Variants in DCLRE1A observed in about 807,000 individuals in gnomAD.
The protein encoded by DCLRE1A is DNA cross-link repair 1A, also known as DNA cross-link repair 1A protein.
In DCLRE1A, 64 loss-of-function variants were observed where a neutral mutation model predicts 91.9. That is an observed-to-expected ratio of 0.70 (90% CI 0.57 to 0.86). DCLRE1A has a LOEUF of 0.86. Among genes scored for constraint, DCLRE1A ranks in the 40% least tolerant of loss-of-function variants. The pLI, the probability that DCLRE1A is intolerant of heterozygous loss-of-function variation, is 0.00. For missense variants in DCLRE1A, 1,145 were observed against 1,213.3 expected (o/e 0.94, Z 0.84); for synonymous variants, 416 against 431.1 (o/e 0.96, Z 0.43).
At chr10:113,839,201 T>C (rs1007503117) in intron 7 of DCLRE1A, among the ~76,000 whole-genome samples, 9 of 151,860 alleles carry the variant, frequency 5.9e-5, no homozygotes, top group Non-Finnish European at 8.8e-5. Flanking sequence ...GGCAGGTGCC[T>C]GTATTCCCAG....
Position 113,849,484 on chromosome 10 carries a change from C to A in DCLRE1A, c.1621G>T (p.Gly541Cys). Residue 541 changes from glycine to cysteine, a missense_variant, in exon 2 of 9, where the codon GGT becomes TGT. Gly to Cys is a radical substitution (Grantham distance 159, BLOSUM62 -3). Transcript: ENST00000361384. ...GGATGTCTTGCATTATACTTAAGAC[C>A]AGAAGGCAATATTTTCAAATACTTC... Reference protein sequence around the residue: ...APKYLKILPSGLKYNARHPST... With the variant: ...APKYLKILPSCLKYNARHPST... The A allele has an allele frequency of 6.2e-7, 1 of 1,614,004 alleles. No individual in the cohort carries two copies. The highest frequency in any genetic ancestry group is 8.5e-7 in the Non-Finnish European group (1 of 1,180,008).
chr10:113,852,855 C>A lies in DCLRE1A; in HGVS notation c.328G>T (p.Val110Leu), dbSNP rs139812297. 1 of 1,614,132 alleles carries A rather than the reference C, an allele frequency of 6.2e-7. No individual in the cohort carries two copies. Among genetic ancestry groups the A allele is most frequent in the South Asian group, 1.1e-5 (1 of 91,084 alleles). Residue 110 changes from valine (V) to leucine (L), a missense_variant, in exon 1 of 9, where the codon GTG (valine) becomes TTG (leucine). Transcript: ENST00000361384. ...TAAACTGGACGTATCTTTGGGGACA[C>A]GTGTTGGCTTTTTTGAGTTCTACAG... ...KLCRTQKSQH[V>L]SPKIRPVYDG...
Position 113,845,703 on chromosome 10 carries a change from A to G in DCLRE1A, c.2360T>C (p.Val787Ala). The G allele has an allele frequency of 1.2e-6, 2 of 1,614,074 alleles. No individual in the cohort carries two copies. The highest frequency in any genetic ancestry group is 1.7e-6 in the Non-Finnish European group (2 of 1,179,954). Reference protein sequence around the residue: ...TECIVNGVKVVLLDANHCPGA... With the variant: ...TECIVNGVKVALLDANHCPGA... Reference sequence around the variant, plus strand: ...TACTTACTGATTGGCATCAAGCAAAACAACTTTGACACCATTCACAATACA... The same window carrying G: ...TACTTACTGATTGGCATCAAGCAAAGCAACTTTGACACCATTCACAATACA... Residue 787 changes from valine to alanine, a missense_variant, in exon 4 of 9, where the codon GTT becomes GCT. Coordinates refer to ENST00000361384, the MANE Select transcript of DCLRE1A (RefSeq NM_014881.5).
chr10:113,854,378 T>A (rs1845714502), upstream of DCLRE1A: 1 of 152,600 alleles, frequency 6.6e-6, no homozygotes, highest in Non-Finnish European at 1.5e-5. Flanking sequence ...CGGGAACAAG[T>A]TCCCGCTGCC....
rs1845341625 is a variant in DCLRE1A, at chr10:113,835,032, G to A, written c.*120C>T. On this transcript the variant is annotated 3_prime_UTR_variant, in exon 9 of 9. Coordinates refer to ENST00000361384, the MANE Select transcript of DCLRE1A (RefSeq NM_014881.5). ...GTTCAAACATAAATGAGAAAATAAA[G>A]TATCTGAACAATCTTCATGAGGTTT... is the stretch of plus-strand genomic sequence containing the variant. 4.9e-6 allele frequency: 5 copies of A among 1,011,316 alleles called. No individual in the cohort carries two copies. Among genetic ancestry groups the A allele is most frequent in the Non-Finnish European group, 7.2e-6 (5 of 690,190 alleles). 62.6% of individuals were successfully genotyped at this position (1,011,316 alleles called of 1,614,324 possible). A position where few individuals can be genotyped will look rare whatever the true frequency, so the allele number is the denominator to read the frequency against.
chr10:113,840,294 CAA>C (rs10716416), intron 7 of DCLRE1A, among the ~76,000 whole-genome samples: 57 of 122,000 alleles, frequency 4.7e-4, no homozygotes, highest in South Asian at 1.1e-3. Flanking sequence ...ACTCTGTCTC[CAA>C]AAAAAAAAAA....
At position 113,853,279 on chromosome 10, in the gene DCLRE1A, G is replaced by A. The variant is rs1845691949; in HGVS notation, c.-97C>T. ...AAAAGTTATAGAATTATTTTGCTGA[G>A]AAAAAAAACAAAGGTAACAAAACCC... On this transcript the variant is annotated 5_prime_UTR_variant, in exon 1 of 9. Coordinates refer to ENST00000361384, the MANE Select transcript of DCLRE1A (RefSeq NM_014881.5). 1 of 1,220,890 alleles carries A rather than the reference G, an allele frequency of 8.2e-7. No homozygotes were observed. Among genetic ancestry groups the A allele is most frequent in the Non-Finnish European group, 1.1e-6 (1 of 912,732 alleles). The allele number at this position is 1,220,890 out of a possible 1,614,324, so 75.6% of individuals were successfully genotyped here. A position where few individuals can be genotyped will look rare whatever the true frequency, so the allele number is the denominator to read the frequency against.
chr10:113,836,911 G>C, intron 8 of DCLRE1A, 151 bp downstream of exon 8: 1 of 641,286 alleles, frequency 1.6e-6, no homozygotes, highest in Non-Finnish European at 2.5e-6. Flanking sequence ...CAATGGACTA[G>C]ATACAGGATT....
chr10:113,842,249 AT>A, intron 6 of DCLRE1A, 93 bp downstream of exon 6: 1 of 1,077,260 alleles, frequency 9.3e-7, no homozygotes, highest in Non-Finnish European at 1.3e-6. Flanking sequence ...GGAAATAATT[AT>A]CAAATGCAAG....
In DCLRE1A at chr10:113,847,246, C is replaced by A. The variant is rs1403977422; in HGVS notation, c.2215G>T (p.Ala739Ser). ...AATGTGAAGTGTTTAGACAATCCAG[C>A]ATAATGATCAGAATGAAAATGTGTG... is the stretch of plus-strand genomic sequence containing the variant. ...FLTHFHSDHY[A>S]GLSKHFTFPV... Residue 739 changes from alanine to serine, a missense_variant, in exon 3 of 9, where the codon GCT becomes TCT. Transcript: ENST00000361384. 3.1e-6 allele frequency: 5 copies of A among 1,613,548 alleles called. No individual in the cohort carries two copies. The African/African-American group carries it at 5.3e-5, about 17-fold the overall frequency.
chr10:113,848,271 C>G (rs536505990), intron 2 of DCLRE1A, among the ~76,000 whole-genome samples: 2 of 151,846 alleles, frequency 1.3e-5, no homozygotes, highest in Non-Finnish European at 2.9e-5. Flanking sequence ...GAGCTGAGAT[C>G]GCGCCACTGC....
intron 7 of DCLRE1A, among the ~76,000 whole-genome samples, chr10:113,838,796 T>C (rs368866670): frequency 1.1e-4 from 17 of 152,354 alleles, no homozygotes; most frequent in African/African-American, 3.6e-4. Context: ...AATCAGGTGA[T>C]AGTCAACTAC....
In DCLRE1A at chr10:113,847,293, T is replaced by A; in HGVS notation, c.2168A>T (p.Glu723Val). ...TVDAFQYGVV[E>V]GCTAYFLTHF... ...TGTGAGAAAATAGGCTGTGCAACCTTCAACCACGCCATACTGAAAGGCATC... is the reference window on the plus strand; with the variant it reads ...TGTGAGAAAATAGGCTGTGCAACCTACAACCACGCCATACTGAAAGGCATC... The change falls in exon 3 of 9, where the codon GAA becomes GTA. Residue 723 changes from glutamate (E) to valine (V), a missense_variant. Physicochemically the swap from Glu to Val is moderately radical, Grantham distance 121. Coordinates refer to ENST00000361384, the MANE Select transcript of DCLRE1A (RefSeq NM_014881.5). 6.2e-7 allele frequency: 1 copy of A among 1,614,026 alleles called. No individual in the cohort carries two copies. The highest frequency in any genetic ancestry group is 8.5e-7 in the Non-Finnish European group (1 of 1,179,958).
chr10:113,841,073 C>T (rs927200824), intron 7 of DCLRE1A, among the ~76,000 whole-genome samples: 2 of 152,176 alleles, frequency 1.3e-5, no homozygotes, highest in South Asian at 4.1e-4. Context: ...TTAGATTCTT[C>T]ACTCATTTCC....
At position 113,842,482 on chromosome 10, in the gene DCLRE1A, A is replaced by G. The variant is rs767542255; in HGVS notation, c.2526T>C (p.Cys842=). ...VHMLYLDTTY[C]SPEYTFPSQQ... The stretch of plus-strand genomic sequence containing the variant: ...GAGATGGAAAGGTGTATTCTGGGCT[A>G]CAATATCTGTGGTATGGAAACATGG... Residue 842 remains cysteine (C), a synonymous_variant, in exon 6 of 9, where the codon TGT becomes TGC. Coordinates refer to ENST00000361384, the MANE Select transcript of DCLRE1A (RefSeq NM_014881.5). 1.2e-5 allele frequency: 20 copies of G among 1,612,552 alleles called. No individual in the cohort carries two copies. Among genetic ancestry groups the G allele is most frequent in the Non-Finnish European group, 1.7e-5 (20 of 1,178,914 alleles).
chr10:113,843,137 C>T (rs759999909), intron 5 of DCLRE1A, among the ~76,000 whole-genome samples: 13 of 151,194 alleles, frequency 8.6e-5, no homozygotes, highest in Non-Finnish European at 1.6e-4. Context: ...AAAAATTAAG[C>T]TACTATCTAT....
chr10:113,847,241 T>C lies in DCLRE1A; in HGVS notation c.2220A>G (p.Gly740=). ...CTGGAAATGTGAAGTGTTTAGACAA[T>C]CCAGCATAATGATCAGAATGAAAAT... ...LTHFHSDHYA[G]LSKHFTFPVY... is the part of the protein sequence containing the mutation. The change falls in exon 3 of 9, where the codon GGA becomes GGG. Residue 740 remains glycine (G), a synonymous_variant. Coordinates refer to ENST00000361384, the MANE Select transcript of DCLRE1A (RefSeq NM_014881.5). The C allele has an allele frequency of 1.2e-6, 2 of 1,613,798 alleles. No homozygotes were observed. The highest frequency in any genetic ancestry group is 1.7e-6 in the Non-Finnish European group (2 of 1,179,776).
chr10:113,845,851 T>TGAAATAAAATA, intron 3 of DCLRE1A, 48 bp from the exon 4 acceptor site: 1 of 1,393,184 alleles, frequency 7.2e-7, no homozygotes, highest in Non-Finnish European at 1.0e-6. Context: ...ACACTAAATA[T>TGAAATAAAATA]TTTATTTCAT....
At position 113,852,852 on chromosome 10, in the gene DCLRE1A, A is replaced by G; in HGVS notation, c.331T>C (p.Ser111Pro). Residue 111 changes from serine to proline, a missense_variant, in exon 1 of 9, where the codon TCC (serine) becomes CCC (proline). Ser to Pro is a moderately conservative substitution (Grantham distance 74). Transcript: ENST00000361384. ...TCATAAACTGGACGTATCTTTGGGGACACGTGTTGGCTTTTTTGAGTTCTA... is the reference window on the plus strand; with the variant it reads ...TCATAAACTGGACGTATCTTTGGGGGCACGTGTTGGCTTTTTTGAGTTCTA... ...LCRTQKSQHV[S>P]PKIRPVYDGY... is the part of the protein sequence containing the mutation. 1 of 1,614,048 alleles carries G rather than the reference A, an allele frequency of 6.2e-7. No homozygotes were observed. The highest frequency in any genetic ancestry group is 8.5e-7 in the Non-Finnish European group (1 of 1,180,002).
Sources: allele counts gnomAD v4.1 joint callset (sites outside exome capture counted in the v4.1 genomes callset), GRCh38; gene constraint gnomAD v4.1.1; transcripts MANE v1.5; gene names NCBI Gene and HGNC (gene_info 2026-07-23, HGNC 2026-07-21).